Variants in NKAIN2 observed in about 807,000 individuals in gnomAD.
The protein encoded by NKAIN2 is sodium/potassium-transporting ATPase subunit beta-1-interacting protein 2.
A neutral mutation model predicts 32.6 loss-of-function variants in NKAIN2; 14 were observed. That is an observed-to-expected ratio of 0.43 (90% CI 0.28 to 0.67). The LOEUF is 0.67. Among genes scored for constraint, NKAIN2 ranks in the 30% least tolerant of loss-of-function variants. NKAIN2 has a pLI of 0.17. For synonymous variants in NKAIN2, 80 were observed against 87.2 expected, an observed-to-expected ratio of 0.92 and a Z score of 0.46; for missense variants, 198 against 258.3, an observed-to-expected ratio of 0.77 and a Z score of 1.60.
intron 3 of NKAIN2, among the ~76,000 whole-genome samples, chr6:124,393,390 T>A (rs1187636561): frequency 6.6e-6 from 1 of 152,006 alleles, no homozygotes; most frequent in Non-Finnish European, 1.5e-5. Context: ...AAGTGATATG[T>A]GTACATTAAC....
At chr6:124,460,085 A>C (rs1776474343) in intron 3 of NKAIN2, among the ~76,000 whole-genome samples, 1 of 151,662 alleles carries the variant, frequency 6.6e-6, no homozygotes, top group South Asian at 2.1e-4. Context: ...TAATTTACAG[A>C]GCTATGGTAG....
chr6:124,731,632 T>C lies in NKAIN2; in HGVS notation c.475-59707T>C, dbSNP rs1475144818. Among the ~76,000 whole-genome samples the C allele has an allele frequency of 2.5e-4, 37 of 150,488 alleles. 1 individual carries two copies. In the East Asian group the frequency reaches 6.4e-3, roughly 26 times the overall value. On this transcript the variant is annotated intron_variant, in intron 4 of 6. Transcript: ENST00000368417. ...CTAGATGACGAGTTAGTGGGTGCAGTGCACCAGCATGGCACATGTATACAT... is the reference window on the plus strand; with the variant it reads ...CTAGATGACGAGTTAGTGGGTGCAGCGCACCAGCATGGCACATGTATACAT...
At chr6:124,332,650 CA>C (rs1182949675) in intron 2 of NKAIN2, among the ~76,000 whole-genome samples, 7 of 151,786 alleles carry the variant, frequency 4.6e-5, no homozygotes, top group Non-Finnish European at 1.0e-4. Flanking sequence ...TATAATGATA[CA>C]AAAAGTAATC....
At chr6:124,493,513 C>T (rs991194110) in intron 3 of NKAIN2, among the ~76,000 whole-genome samples, 2 of 151,712 alleles carry the variant, frequency 1.3e-5, no homozygotes, top group Non-Finnish European at 2.9e-5. Flanking sequence ...GAAGTGTGTC[C>T]TCTGGGTTTA....
chr6:124,016,955 A>G (rs1419960155), intron 1 of NKAIN2, among the ~76,000 whole-genome samples: 1 of 152,194 alleles, frequency 6.6e-6, no homozygotes, highest in Admixed American at 6.6e-5. Flanking sequence ...GTTCAAGCCT[A>G]TCAAAACCTA....
intron 1 of NKAIN2, among the ~76,000 whole-genome samples, chr6:124,025,407 A>G (rs1781060703): frequency 6.6e-6 from 1 of 151,830 alleles, no homozygotes; most frequent in Non-Finnish European, 1.5e-5. Flanking sequence ...CACGAAGAAC[A>G]CCTCCCAATT....
intron 4 of NKAIN2, among the ~76,000 whole-genome samples, chr6:124,737,250 G>T (rs1245063616): frequency 8.6e-5 from 13 of 151,836 alleles, no homozygotes; most frequent in Non-Finnish European, 1.6e-4. Flanking sequence ...TTGAATCACA[G>T]GGATGGTTAC....
At chr6:124,498,241 G>T (rs938166182) in intron 3 of NKAIN2, among the ~76,000 whole-genome samples, 1 of 152,146 alleles carries the variant, frequency 6.6e-6, no homozygotes, top group African/African-American at 2.4e-5. Flanking sequence ...AAGATTGGCA[G>T]GGGGCACTCA....
intron 1 of NKAIN2, among the ~76,000 whole-genome samples, chr6:123,958,770 C>T (rs1777711534): frequency 1.3e-5 from 2 of 152,186 alleles, no homozygotes; most frequent in Non-Finnish European, 1.5e-5. Context: ...TAGGCTGAAT[C>T]GCTACGTCAA....
chr6:124,745,544 GA>G (rs1353654884), intron 4 of NKAIN2, among the ~76,000 whole-genome samples: 1 of 151,762 alleles, frequency 6.6e-6, no homozygotes, highest in Non-Finnish European at 1.5e-5. Context: ...AAATTATTAT[GA>G]AACAAAAACA....
In NKAIN2 at chr6:124,285,881, G is replaced by A. The variant is rs1054275154; in HGVS notation, c.192+2739G>A. ...TTGCAATAGTGCAAGCTAAAGAAAAGAAAATGTTATTAAAGGAAATCATAA... is the reference window on the plus strand; with the variant it reads ...TTGCAATAGTGCAAGCTAAAGAAAAAAAAATGTTATTAAAGGAAATCATAA... On this transcript the variant is annotated intron_variant, in intron 2 of 6. Transcript: ENST00000368417. Among the ~76,000 whole-genome samples the A allele has an allele frequency of 2.6e-5, 4 of 152,122 alleles. No homozygotes were observed. The East Asian group carries it at 7.7e-4, about 29-fold the overall frequency.
intron 1 of NKAIN2, among the ~76,000 whole-genome samples, chr6:123,943,044 A>G (rs115055967): frequency 0.011 from 1,736 of 152,146 alleles, 29 homozygotes; most frequent in African/African-American, 0.04. Flanking sequence ...ATGGCCATAA[A>G]ATTTACAGTG....
At chr6:124,267,735 T>C (rs2689902) in intron 1 of NKAIN2, among the ~76,000 whole-genome samples, 48,123 of 152,010 alleles carry the variant, frequency 0.32, 8,928 homozygotes, top group African/African-American at 0.5. Flanking sequence ...ATCTGACATA[T>C]GTTACTTTAA....
intron 4 of NKAIN2, among the ~76,000 whole-genome samples, chr6:124,682,189 A>G (rs1773656624): frequency 1.3e-5 from 2 of 152,132 alleles, no homozygotes; most frequent in Admixed American, 1.3e-4. Flanking sequence ...AATGGTGAAC[A>G]GATTTAGGGG....
intron 3 of NKAIN2, among the ~76,000 whole-genome samples, chr6:124,626,026 T>C (rs980612026): frequency 2.0e-5 from 3 of 151,634 alleles, no homozygotes; most frequent in African/African-American, 7.3e-5. Flanking sequence ...ATGTGCCATG[T>C]TGGTGTGCTG....
At chr6:124,402,315 G>A (rs1487674764) in intron 3 of NKAIN2, among the ~76,000 whole-genome samples, 1 of 152,156 alleles carries the variant, frequency 6.6e-6, no homozygotes, top group East Asian at 1.9e-4. Flanking sequence ...GTGGCGTGAA[G>A]TAGGATTCAA....
chr6:124,625,034 C>T (rs531997288), intron 3 of NKAIN2, among the ~76,000 whole-genome samples: 10 of 152,212 alleles, frequency 6.6e-5, no homozygotes, highest in Non-Finnish European at 1.2e-4. Context: ...ATTTAAGCTG[C>T]ATCATTCATA....
rs17052331 is a variant in NKAIN2, at chr6:124,756,083, A to G, written c.475-35256A>G. On this transcript the variant is annotated intron_variant, in intron 4 of 6. Coordinates refer to ENST00000368417, the MANE Select transcript of NKAIN2 (RefSeq NM_001040214.3). ...CATTTGGTATATTACCTTAGTTTCCATGAACTCATTTATGCCTGTCTTTCA... is the reference window on the plus strand; with the variant it reads ...CATTTGGTATATTACCTTAGTTTCCGTGAACTCATTTATGCCTGTCTTTCA... Among the ~76,000 whole-genome samples the G allele has an allele frequency of 5.9e-3, 900 of 152,244 alleles. 13 individuals are homozygous for G. The highest frequency in any genetic ancestry group is 0.021 in the African/African-American group (876 of 41,556).
At chr6:124,698,349 G>A (rs138522510) in intron 4 of NKAIN2, among the ~76,000 whole-genome samples, 4 of 152,216 alleles carry the variant, frequency 2.6e-5, no homozygotes, top group African/African-American at 9.6e-5. Flanking sequence ...AAAAGTGTTA[G>A]CATAAAAAAA....
Sources: allele counts gnomAD v4.1 joint callset (sites outside exome capture counted in the v4.1 genomes callset), GRCh38; gene constraint gnomAD v4.1.1; transcripts MANE v1.5; gene names NCBI Gene and HGNC (gene_info 2026-07-23, HGNC 2026-07-21).